Variants in VAT1L observed in about 807,000 individuals in gnomAD.
The protein encoded by VAT1L is vesicle amine transport 1 like, also known as putative NADPH-dependent quinone oxidoreductase VAT1L.
VAT1L carries 34 observed loss-of-function variants against 44.1 expected under a neutral mutation model. That is an observed-to-expected ratio of 0.77 (90% CI 0.59 to 1.03). The LOEUF is 1.03. VAT1L is among the 50% of genes least tolerant of loss of function. VAT1L has a pLI of 0.00. For synonymous variants in VAT1L, 253 were observed against 202.2 expected (o/e 1.25, Z -2.13); for missense variants, 615 against 538.8 (o/e 1.14, Z -1.40).
At chr16:77,939,489 A>G (rs2017850751) in intron 7 of VAT1L, among the ~76,000 whole-genome samples, 3 of 152,224 alleles carry the variant, frequency 2.0e-5, no homozygotes, top group Admixed American at 2.0e-4. Flanking sequence ...ATCTGTTGTT[A>G]CATATTGACC....
intron 3 of VAT1L, among the ~76,000 whole-genome samples, chr16:77,856,501 G>C (rs138086888): frequency 6.6e-6 from 1 of 152,282 alleles, no homozygotes; most frequent in East Asian, 1.9e-4. Context: ...AGGCAGTGTA[G>C]TAAGCCTTTA....
At chr16:77,908,091 C>T (rs2017456809) in intron 7 of VAT1L, among the ~76,000 whole-genome samples, 2 of 151,764 alleles carry the variant, frequency 1.3e-5, no homozygotes. Context: ...ATACAAAAAT[C>T]AGCCGGGTGT....
intron 1 of VAT1L, among the ~76,000 whole-genome samples, chr16:77,803,091 C>A (rs997200888): frequency 3.3e-5 from 5 of 152,216 alleles, no homozygotes; most frequent in African/African-American, 1.2e-4. Flanking sequence ...GTGCTAAGCA[C>A]TGAACATTGA....
At chr16:77,957,570 C>A (rs970118965) in intron 7 of VAT1L, among the ~76,000 whole-genome samples, 1 of 151,766 alleles carries the variant, frequency 6.6e-6, no homozygotes, top group African/African-American at 2.4e-5. Context: ...ACTAAAAATA[C>A]AAAACTTAGC....
chr16:77,950,279 G>A (rs1429665884), intron 7 of VAT1L, among the ~76,000 whole-genome samples: 3 of 151,962 alleles, frequency 2.0e-5, no homozygotes, highest in Non-Finnish European at 4.4e-5. Context: ...TGTGGTGGTG[G>A]GTGCCTGTAA....
intron 7 of VAT1L, among the ~76,000 whole-genome samples, chr16:77,969,892 A>C (rs1345912508): frequency 6.6e-6 from 1 of 151,932 alleles, no homozygotes; most frequent in Non-Finnish European, 1.5e-5. Flanking sequence ...AGGGTCAAGA[A>C]ATTTTAACAA....
chr16:77,859,848 G>T (rs988965014), intron 3 of VAT1L, among the ~76,000 whole-genome samples: 1 of 152,114 alleles, frequency 6.6e-6, no homozygotes, highest in African/African-American at 2.4e-5. Flanking sequence ...ACAGTAAGAG[G>T]AGTGTTAAAT....
chr16:77,971,554 T>C (rs1341077843), intron 7 of VAT1L, among the ~76,000 whole-genome samples: 1 of 152,190 alleles, frequency 6.6e-6, no homozygotes, highest in Non-Finnish European at 1.5e-5. Flanking sequence ...CAGCACATAA[T>C]TCTGAGAACT....
At chr16:77,828,876 G>T (rs2966041) in intron 3 of VAT1L, among the ~76,000 whole-genome samples, 2 of 151,978 alleles carry the variant, frequency 1.3e-5, no homozygotes, top group East Asian at 1.9e-4. Context: ...CATTTTAGCC[G>T]AGCGAAACCC....
At position 77,978,358 on chromosome 16, in the gene VAT1L, A is replaced by G. The variant is rs1567529040; in HGVS notation, c.*663A>G. 1 of 152,348 alleles carries G rather than the reference A, an allele frequency of 6.6e-6. No homozygotes were observed. 9.4% of individuals were successfully genotyped at this position (152,348 alleles called of 1,614,324 possible). ...AGGTATGGATTTTTCACAGTAGACA[A>G]TGGGTCAACAGCATGAGTTTGAGGA... On this transcript the variant is annotated 3_prime_UTR_variant, in exon 9 of 9. Transcript: ENST00000302536.
At chr16:77,855,551 G>A (rs1047003691) in intron 3 of VAT1L, among the ~76,000 whole-genome samples, 4 of 152,028 alleles carry the variant, frequency 2.6e-5, no homozygotes, top group African/African-American at 9.7e-5. Context: ...TTTTGCTAGT[G>A]GTTCAGTGGA....
intron 3 of VAT1L, among the ~76,000 whole-genome samples, chr16:77,839,981 T>G (rs2016688100): frequency 6.6e-6 from 1 of 151,520 alleles, no homozygotes; most frequent in Non-Finnish European, 1.5e-5. Context: ...TATTTGCATC[T>G]TAGCTTCCGC....
At chr16:77,975,231 A>ATTTTTTTT (rs1567527926) in intron 8 of VAT1L, among the ~76,000 whole-genome samples, 1 of 62,462 alleles carries the variant, frequency 1.6e-5, no homozygotes, top group African/African-American at 6.4e-5. Flanking sequence ...TTTTTTTTAA[A>ATTTTTTTT]GACAGTCTCA....
intron 7 of VAT1L, among the ~76,000 whole-genome samples, chr16:77,935,098 C>T (rs1008557110): frequency 6.6e-6 from 1 of 152,070 alleles, no homozygotes; most frequent in Non-Finnish European, 1.5e-5. Flanking sequence ...CCACAAAATG[C>T]ACTTTATTCC....
rs113673191 is a variant in VAT1L at position 77,976,592 on chromosome 16, G to A, written c.1162-1005G>A. ...GATCTGGGGCCCAATCTAGATCAGG[G>A]GATAAGAACAGAAAAGAAATCTGAG... On this transcript the variant is annotated intron_variant, in intron 8 of 8. Coordinates refer to ENST00000302536, the MANE Select transcript of VAT1L (RefSeq NM_020927.3). 7.5e-3 allele frequency among the ~76,000 whole-genome samples: 1,143 copies of A among 152,190 alleles called. 8 individuals carry two copies. The highest frequency in any genetic ancestry group is 0.026 in the African/African-American group (1,061 of 41,506).
chr16:77,955,851 A>G lies in VAT1L; in HGVS notation c.1078-15999A>G, dbSNP rs145972601. On this transcript the variant is annotated intron_variant, in intron 7 of 8. Coordinates refer to ENST00000302536, the MANE Select transcript of VAT1L (RefSeq NM_020927.3). The stretch of plus-strand genomic sequence containing the variant: ...TGCAATACAATACCCAGCGTCCTAC[A>G]TCCTTCCTTCCTTCTTCGCTCTCCA... Among the ~76,000 whole-genome samples, 987 of 152,076 alleles carry G rather than the reference A, an allele frequency of 6.5e-3. 15 individuals are homozygous for G. Among genetic ancestry groups the G allele is most frequent in the African/African-American group, 0.023 (943 of 41,504 alleles).
At chr16:77,818,904 G>T (rs1190586742) in intron 2 of VAT1L, among the ~76,000 whole-genome samples, 4 of 152,180 alleles carry the variant, frequency 2.6e-5, no homozygotes, top group Non-Finnish European at 4.4e-5. Context: ...ACACTGAATA[G>T]CTCTCTTGGT....
intron 7 of VAT1L, among the ~76,000 whole-genome samples, chr16:77,938,108 A>G (rs1281208049): frequency 1.3e-5 from 2 of 152,206 alleles, no homozygotes; most frequent in African/African-American, 4.8e-5. Flanking sequence ...ACTTGGGACC[A>G]GTTCCTGAGC....
intron 3 of VAT1L, among the ~76,000 whole-genome samples, chr16:77,858,178 C>T (rs373429115): frequency 1.3e-5 from 2 of 151,984 alleles, no homozygotes; most frequent in East Asian, 1.9e-4. Context: ...GGTCACGCTT[C>T]GGGAGAAAAG....
Sources: allele counts gnomAD v4.1 joint callset (sites outside exome capture counted in the v4.1 genomes callset), GRCh38; gene constraint gnomAD v4.1.1; transcripts MANE v1.5; gene names NCBI Gene and HGNC (gene_info 2026-07-23, HGNC 2026-07-21).